R3HDM4: variants seen among roughly 807,000 people sequenced by gnomAD.
R3HDM4 encodes the protein R3H domain-containing protein 4.
R3HDM4 carries 30 observed loss-of-function variants against 31.3 expected under a neutral mutation model. That is an observed-to-expected ratio of 0.96 (90% CI 0.72 to 1.30). R3HDM4 has a LOEUF of 1.30. R3HDM4 is among the 50% of genes most tolerant of loss of function. The pLI is 0.00. For missense variants in R3HDM4, 444 were observed against 366.1 expected, an observed-to-expected ratio of 1.21 and a Z score of -1.74; for synonymous variants, 196 against 156.6, an observed-to-expected ratio of 1.25 and a Z score of -1.88.
Position 900,125 on chromosome 19 carries a change from C to A in R3HDM4, c.497G>T (p.Arg166Leu), listed in dbSNP as rs533734705. The change falls in exon 5 of 8, where the codon CGC becomes CTC. Residue 166 changes from arginine to leucine, a missense_variant. Coordinates refer to ENST00000361574, the MANE Select transcript of R3HDM4 (RefSeq NM_138774.4). ...RRREDPAYTP[R>L]ECFQRISRRL... ...CCGGCTGATGCGCTGGAAGCACTCG[C>A]GGGGTGTATAGGCGGGGTCCTCTGC... is the stretch of plus-strand genomic sequence containing the variant. 1 of 1,599,802 alleles carries A rather than the reference C, an allele frequency of 6.3e-7. No homozygotes were observed. Among genetic ancestry groups the A allele is most frequent in the South Asian group, 1.1e-5 (1 of 89,312 alleles).
chr19:913,042 C>T lies in R3HDM4; in HGVS notation c.71+45G>A. ...GGAGAGGATCTCAGGGGAGGGAGCC[C>T]AGCCCGCCCCCGGCGCCCGCCGCGC... On this transcript the variant is annotated intron_variant, in intron 1 of 7. Coordinates refer to ENST00000361574, the MANE Select transcript of R3HDM4 (RefSeq NM_138774.4). The surrounding 1 kb of genome is among the most constrained non-coding windows in gnomAD (Gnocchi z 5.0). 1.3e-6 allele frequency: 1 copy of T among 784,032 alleles called. No individual in the cohort carries two copies. The highest frequency in any genetic ancestry group is 1.6e-6 in the Non-Finnish European group (1 of 637,470). 48.6% of individuals were successfully genotyped at this position (784,032 alleles called of 1,614,324 possible).
chr19:901,306 A>T, intron 3 of R3HDM4, 116 bp downstream of exon 3: 1 of 1,153,944 alleles, frequency 8.7e-7, no homozygotes, highest in Non-Finnish European at 1.2e-6. Context: ...GGCCTTCATT[A>T]GGAGATCAGA....
chr19:900,312 C>T (rs929906226), intron 4 of R3HDM4, among the ~76,000 whole-genome samples, 166 bp from the exon 5 acceptor site: 1 of 151,962 alleles, frequency 6.6e-6, no homozygotes, highest in Non-Finnish European at 1.5e-5. Context: ...AGCCAGCAGA[C>T]CCTACCCCCA....
At chr19:901,043 A>C (rs1414246470) in intron 3 of R3HDM4, 91 bp from the exon 4 acceptor site, 2 of 1,431,416 alleles carry the variant, frequency 1.4e-6, no homozygotes, top group Admixed American at 4.7e-5. Flanking sequence ...GCCGCCAAGC[A>C]CGTGGACGCG....
rs201155707 is a variant in R3HDM4, at chr19:909,814, C to CA, written c.71+3272dup. Among the ~76,000 whole-genome samples, 28 of 151,500 alleles carry CA rather than the reference C, an allele frequency of 1.8e-4. No homozygotes were observed. In the East Asian group the frequency reaches 3.9e-3, roughly 21 times the overall value. ...CTGTCCCCCCAACCCCCACCAAAAA[C>CA]AAAAAAAACAGAAGACTCAGGAAGA... On this transcript the variant is annotated intron_variant, in intron 1 of 7. Transcript: ENST00000361574.
chr19:909,439 A>C (rs1435847878), intron 1 of R3HDM4, among the ~76,000 whole-genome samples: 1 of 152,062 alleles, frequency 6.6e-6, no homozygotes, highest in East Asian at 1.9e-4. Context: ...CCAGAGACTG[A>C]CGGCTGAGAG....
At position 900,901 on chromosome 19, in the gene R3HDM4, G is replaced by T. The variant is rs772340521; in HGVS notation, c.403C>A (p.Arg135Ser). 7 of 1,605,930 alleles carry T rather than the reference G, an allele frequency of 4.4e-6. No homozygotes were observed. The Admixed American group carries it at 8.4e-5, about 19-fold the overall frequency. Residue 135 changes from arginine (R) to serine (S), a missense_variant, in exon 4 of 8, where the codon CGC becomes AGC. By Grantham distance (110) the Arg-to-Ser change is moderately radical. Transcript: ENST00000361574. ...RSGEEQERVL[R>S]YLEDEGRSKA... Reference sequence around the variant, plus strand: ...CTCCTGCCCTCATCCTCCAGGTAGCGAAGAACCCGCTCCTGCTCCTCCCCG... The same window carrying T: ...CTCCTGCCCTCATCCTCCAGGTAGCTAAGAACCCGCTCCTGCTCCTCCCCG...
At chr19:898,228 AAAT>A in intron 7 of R3HDM4, among the ~76,000 whole-genome samples, 1 of 129,746 alleles carries the variant, frequency 7.7e-6, no homozygotes, top group East Asian at 2.1e-4. Context: ...CTAAAAAAAA[AAAT>A]ATATATATAT....
chr19:905,195 G>A (rs372686204), intron 1 of R3HDM4, among the ~76,000 whole-genome samples: 13 of 148,586 alleles, frequency 8.7e-5, no homozygotes, highest in East Asian at 2.1e-4. Context: ...TGAACAGAGC[G>A]AGACTTGGCC....
intron 1 of R3HDM4, among the ~76,000 whole-genome samples, chr19:904,488 C>T (rs1287753085): frequency 6.6e-6 from 1 of 152,174 alleles, no homozygotes; most frequent in Non-Finnish European, 1.5e-5. Flanking sequence ...ACCCCTGCAA[C>T]CCCCAAAAGA....
intron 1 of R3HDM4, among the ~76,000 whole-genome samples, chr19:905,731 C>G (rs1005615960): frequency 1.3e-5 from 2 of 151,496 alleles, no homozygotes. Flanking sequence ...CCCAGGGCTG[C>G]CTGAAGCAGG....
chr19:901,646 A>C, intron 2 of R3HDM4, 100 bp from the exon 3 acceptor site: 305 of 1,414,806 alleles, frequency 2.2e-4, no homozygotes, highest in Non-Finnish European at 2.7e-4. Flanking sequence ...TTATCATCTC[A>C]ACCTCCGCAC....
intron 1 of R3HDM4, among the ~76,000 whole-genome samples, chr19:909,778 A>C: frequency 6.6e-6 from 1 of 152,052 alleles, no homozygotes. Flanking sequence ...CCTGGGTGAC[A>C]GAGCAAGAAC....
intron 4 of R3HDM4, among the ~76,000 whole-genome samples, chr19:900,550 C>A (rs1328118778): frequency 1.3e-5 from 2 of 151,578 alleles, no homozygotes; most frequent in African/African-American, 4.9e-5. Context: ...TTGCCCTGTC[C>A]CCATCCATAC....
chr19:905,519 A>C (rs1202763761), intron 1 of R3HDM4, among the ~76,000 whole-genome samples: 3 of 147,510 alleles, frequency 2.0e-5, no homozygotes, highest in Non-Finnish European at 4.5e-5. Flanking sequence ...AAAAAAAAAA[A>C]AAACAAAACA....
intron 7 of R3HDM4, 46 bp from the exon 8 acceptor site, chr19:897,586 C>A (rs766408729): frequency 6.7e-7 from 1 of 1,492,906 alleles, no homozygotes; most frequent in East Asian, 2.4e-5. Flanking sequence ...ATTTGGGAGC[C>A]GCGGCAGGTA....
chr19:898,686 C>A (rs1046560988), intron 7 of R3HDM4, among the ~76,000 whole-genome samples: 3 of 152,078 alleles, frequency 2.0e-5, no homozygotes, highest in East Asian at 1.9e-4. Flanking sequence ...TGCCTGGGAC[C>A]CCCCCGTCCT....
intron 1 of R3HDM4, among the ~76,000 whole-genome samples, chr19:904,603 G>T (rs528737415): frequency 1.9e-4 from 29 of 152,198 alleles, no homozygotes; most frequent in African/African-American, 7.0e-4. Flanking sequence ...GGAAGGTGAG[G>T]AGGAAGGACA....
At chr19:905,109 G>A (rs1014302243) in intron 1 of R3HDM4, among the ~76,000 whole-genome samples, 1 of 152,100 alleles carries the variant, frequency 6.6e-6, no homozygotes, top group Non-Finnish European at 1.5e-5. Flanking sequence ...ACAGGAGGCT[G>A]AGGCAGGAGA....
Sources: gnomAD v4.1 joint callset for allele counts (sites outside exome capture counted in the v4.1 genomes callset) on GRCh38, gnomAD v4.1.1 for gene constraint, Gnocchi (gnomAD v3.1) non-coding constraint, MANE v1.5 for transcripts, NCBI Gene and HGNC (gene_info 2026-07-23, HGNC 2026-07-21) for gene names.